Variants in MPO observed in about 807,000 individuals in gnomAD.
The protein encoded by MPO is myeloperoxidase.
MPO carries 57 observed loss-of-function variants against 69.4 expected under a neutral mutation model. The ratio of observed to expected loss-of-function variants is 0.82; its 90% CI spans 0.66 to 1.02. MPO has a LOEUF of 1.02. Among genes scored for constraint, MPO ranks in the 50% least tolerant of loss-of-function variants. The pLI, the probability that MPO is intolerant of heterozygous loss-of-function variation, is 0.00. For missense variants in MPO, 971 were observed against 1,014.1 expected (o/e 0.96, Z 0.58); for synonymous variants, 426 against 417.1 (o/e 1.02, Z -0.26).
At chr17:58,273,853 C>T (rs1970401003) in intron 8 of MPO, among the ~76,000 whole-genome samples, 184 bp from the exon 9 acceptor site, 1 of 152,192 alleles carries the variant, frequency 6.6e-6, no homozygotes, top group South Asian at 2.1e-4. Flanking sequence ...CACTGAGAGG[C>T]ATAAATAGAG....
rs1161866725 is a variant in MPO at position 58,279,083 on chromosome 17, G to A, written c.810C>T (p.Ala270=). The A allele has an allele frequency of 1.9e-6, 3 of 1,613,124 alleles. No individual in the cohort carries two copies. The highest frequency in any genetic ancestry group is 1.3e-5 in the African/African-American group (1 of 75,062). The change falls in exon 6 of 12, where the codon GCC becomes GCT. Residue 270 remains alanine (A), a synonymous_variant. Transcript: ENST00000225275. The stretch of plus-strand genomic sequence containing the variant: ...CGCCAGTGACGAAGGAGGCCCGGGC[G>A]GCCGGCTCAGGGGTGAAGTCGAGGT... ...DHDLDFTPEP[A]ARASFVTGVN...
rs768139578 is a variant in MPO at position 58,272,764 on chromosome 17, C to A, written c.1776G>T (p.Arg592Ser). The change falls in exon 10 of 12, where the codon AGG (arginine) becomes AGT (serine). Residue 592 changes from arginine to serine, a missense_variant. Transcript: ENST00000225275. ...DLPALNMQRS[R>S]DHGLPGYNAW... ...GCCCCTCACCTGGGAGGCCGTGGTC[C>A]CTGCTGCGCTGCATGTTCAGAGCAG... The A allele has an allele frequency of 6.2e-7, 1 of 1,613,984 alleles. No homozygotes were observed. The highest frequency in any genetic ancestry group is 8.5e-7 in the Non-Finnish European group (1 of 1,179,986).
chr17:58,270,884 G>A lies in MPO; in HGVS notation c.2031-21C>T, dbSNP rs751384055. The A allele has an allele frequency of 1.1e-5, 17 of 1,610,842 alleles. No homozygotes were observed. The highest frequency in any genetic ancestry group is 2.1e-4 in the Middle Eastern group (1 of 4,782). On this transcript the variant is annotated intron_variant, in intron 11 of 11. Transcript: ENST00000225275. The surrounding 1 kb of genome is among the most constrained non-coding windows in gnomAD (Gnocchi z 4.1). ...AAAACCTGCATGGGGAACACCCATG[G>A]ACACTGTGCCCAAGGATATTCTGGG... is the stretch of plus-strand genomic sequence containing the variant.
intron 6 of MPO, 60 bp downstream of exon 6, chr17:58,278,948 C>T (rs180861631): frequency 1.6e-5 from 25 of 1,523,072 alleles, no homozygotes; most frequent in African/African-American, 1.2e-4. Flanking sequence ...AGGGAGATGG[C>T]CCCTTCCAGA....
rs757412944 is a variant in MPO, at chr17:58,280,633, C to T, written c.126G>A (p.Thr42=). Residue 42 remains threonine (T), a synonymous_variant, in exon 1 of 12, where the codon ACG becomes ACA. Transcript: ENST00000225275. ...GAGCAGCACCTTCAGAGGGCTGGGGCGTGGCCAGAATGGCCAGGAGCCCTG... is the reference window on the plus strand; with the variant it reads ...GAGCAGCACCTTCAGAGGGCTGGGGTGTGGCCAGAATGGCCAGGAGCCCTG... ...ALAGLLAILA[T]PQPSEGAAPA... 2.1e-5 allele frequency: 34 copies of T among 1,614,106 alleles called. No homozygotes were observed. Among genetic ancestry groups the T allele is most frequent in the Admixed American group, 1.2e-4 (7 of 60,008 alleles).
At position 58,271,005 on chromosome 17, in the gene MPO, C is replaced by T; in HGVS notation, c.2031-142G>A. Reference sequence around the variant, plus strand: ...CACAGGAGGGCCCCAGGCCCTTGGGCAGCCCAGGGGCTTTCACACAAGTGA... The same window carrying T: ...CACAGGAGGGCCCCAGGCCCTTGGGTAGCCCAGGGGCTTTCACACAAGTGA... On this transcript the variant is annotated intron_variant, in intron 11 of 11. Transcript: ENST00000225275. 2 of 843,194 alleles carry T rather than the reference C, an allele frequency of 2.4e-6. 1 individual carries two copies. The highest frequency in any genetic ancestry group is 3.9e-6 in the Non-Finnish European group (2 of 516,548). The allele number at this position is 843,194 out of a possible 1,614,324, so 52.2% of individuals were successfully genotyped here.
chr17:58,280,336 C>T (rs374864471), intron 2 of MPO, 30 bp downstream of exon 2: 6 of 1,610,084 alleles, frequency 3.7e-6, no homozygotes, highest in Admixed American at 1.7e-5. Flanking sequence ...GACATCCTTG[C>T]CCAGAGCTGG....
intron 10 of MPO, among the ~76,000 whole-genome samples, chr17:58,272,525 T>A (rs948181857): frequency 1.3e-5 from 2 of 152,180 alleles, no homozygotes. Context: ...ATGCCCCTAA[T>A]ATGAGAATTA....
Position 58,273,631 on chromosome 17 carries a change from C to T in MPO, c.1404G>A (p.Gly468=), listed in dbSNP as rs1330236674. Residue 468 remains glycine, a synonymous_variant, in exon 9 of 12, where the codon GGG becomes GGA. Coordinates refer to ENST00000225275, the MANE Select transcript of MPO (RefSeq NM_000250.2). ...TYRDYLPLVL[G]PTAMRKYLPT... is the part of the protein sequence containing the mutation. ...GCAGGTACTTCCTCATGGCCGTTGG[C>T]CCCAGCACCAGGGGCAGGTAGTCCC... 6 of 1,614,158 alleles carry T rather than the reference C, an allele frequency of 3.7e-6. No homozygotes were observed. In the South Asian group the frequency reaches 4.4e-5, roughly 12 times the overall value.
chr17:58,279,113 G>A lies in MPO; in HGVS notation c.780C>T (p.Asp260=). 1.2e-6 allele frequency: 2 copies of A among 1,613,046 alleles called. No homozygotes were observed. The highest frequency in any genetic ancestry group is 1.7e-5 in the Admixed American group (1 of 59,902). Residue 260 remains aspartate, a synonymous_variant, in exon 6 of 12, where the codon GAC becomes GAT. Coordinates refer to ENST00000225275, the MANE Select transcript of MPO (RefSeq NM_000250.2). ...LMFMQWGQLL[D]HDLDFTPEPA... is the part of the protein sequence containing the mutation. ...GCTCAGGGGTGAAGTCGAGGTCGTG[G>A]TCCAACAGCTGGCCCCATTGCATGA...
intron 2 of MPO, 108 bp from the exon 3 acceptor site, chr17:58,280,122 G>A (rs1204323614): frequency 2.9e-5 from 41 of 1,431,654 alleles, no homozygotes; most frequent in Non-Finnish European, 3.7e-5. Flanking sequence ...GCCCACGGGT[G>A]GGAGGAAGGC....
chr17:58,280,245 A>G, intron 2 of MPO, 121 bp downstream of exon 2: 1 of 1,092,322 alleles, frequency 9.2e-7, no homozygotes, highest in Admixed American at 1.9e-5. Context: ...ACAGACAGAA[A>G]GGGAGTCCAC....
chr17:58,277,141 A>G (rs1970448272), intron 7 of MPO, among the ~76,000 whole-genome samples: 1 of 152,114 alleles, frequency 6.6e-6, no homozygotes, highest in East Asian at 1.9e-4. Context: ...ATGTCTGGTC[A>G]TGGCTGCCAT....
rs138764204 is a variant in MPO at position 58,272,758 on chromosome 17, G to A, written c.1782C>T (p.His594=). 339 of 1,613,690 alleles carry A rather than the reference G, an allele frequency of 2.1e-4. No homozygotes were observed. The highest frequency in any genetic ancestry group is 2.7e-4 in the Non-Finnish European group (316 of 1,179,918). ...CCTGCAGCCCCTCACCTGGGAGGCC[G>A]TGGTCCCTGCTGCGCTGCATGTTCA... ...PALNMQRSRD[H]GLPGYNAWRR... is the part of the protein sequence containing the mutation. Residue 594 remains histidine (H), a synonymous_variant, in exon 10 of 12, where the codon CAC becomes CAT. Coordinates refer to ENST00000225275, the MANE Select transcript of MPO (RefSeq NM_000250.2).
rs768743982 is a variant in MPO at position 58,279,927 on chromosome 17, C to T, written c.336G>A (p.Ala112=). The change falls in exon 3 of 12, where the codon GCG becomes GCA. Residue 112 remains alanine, a synonymous_variant. Coordinates refer to ENST00000225275, the MANE Select transcript of MPO (RefSeq NM_000250.2). ...FKQPVAATRT[A]VRAADYLHVA... ...CGTGCAGGTAGTCAGCGGCCCTCAC[C>T]GCCGTCCTGGTGGCTGCCACCGGCT... The T allele has an allele frequency of 1.9e-6, 3 of 1,613,964 alleles. No homozygotes were observed. In the East Asian group the frequency reaches 6.7e-5, roughly 36 times the overall value.
At position 58,277,897 on chromosome 17, in the gene MPO, G is replaced by C. The variant is rs757562355; in HGVS notation, c.1134C>G (p.Pro378=). The C allele has an allele frequency of 2.5e-6, 4 of 1,611,166 alleles. No individual in the cohort carries two copies. Among genetic ancestry groups the C allele is most frequent in the South Asian group, 1.1e-5 (1 of 91,090 alleles). ...AGGGGTCATCGTGCAGGTTGTCAAA[G>C]GGCAGCAGGGCCCGGCCGTTGTCTT... is the stretch of plus-strand genomic sequence containing the variant. ...RFQDNGRALL[P]FDNLHDDPCL... is the part of the protein sequence containing the mutation. The change falls in exon 7 of 12, where the codon CCC becomes CCG. Residue 378 remains proline (P), a synonymous_variant. Transcript: ENST00000225275.
chr17:58,270,888 CTG>C lies in MPO; in HGVS notation c.2031-27_2031-26del. On this transcript the variant is annotated intron_variant, in intron 11 of 11. Transcript: ENST00000225275. This position sits in a 1 kb window ranked among gnomAD's most constrained non-coding sequence, Gnocchi z 4.1. ...CCTGCATGGGGAACACCCATGGACA[CTG>C]TGCCCAAGGATATTCTGGGCTGGCA... 2 of 1,612,030 alleles carry C rather than the reference CTG, an allele frequency of 1.2e-6. No homozygotes were observed. The highest frequency in any genetic ancestry group is 2.2e-5 in the South Asian group (2 of 91,004).
intron 7 of MPO, among the ~76,000 whole-genome samples, chr17:58,276,250 C>T (rs919757930): frequency 1.3e-5 from 2 of 152,226 alleles, no homozygotes; most frequent in Admixed American, 6.5e-5. Flanking sequence ...TGGATGCAAC[C>T]TCAGAATCCT....
intron 2 of MPO, 61 bp downstream of exon 2, chr17:58,280,305 C>T (rs1970499463): frequency 1.3e-6 from 2 of 1,555,504 alleles, no homozygotes; most frequent in Non-Finnish European, 1.8e-6. Context: ...CTGCTGCCTG[C>T]TGCTTCTCTG....
Sources: allele counts gnomAD v4.1 joint callset (sites outside exome capture counted in the v4.1 genomes callset), GRCh38; gene constraint gnomAD v4.1.1; non-coding constraint Gnocchi (gnomAD v3.1); transcripts MANE v1.5; gene names NCBI Gene and HGNC (gene_info 2026-07-23, HGNC 2026-07-21).